TMEFF1: variants seen among roughly 807,000 people sequenced by gnomAD.
TMEFF1 encodes the protein tomoregulin-1.
TMEFF1 carries 20 observed loss-of-function variants against 47.5 expected under a neutral mutation model. The ratio of observed to expected loss-of-function variants is 0.42; its 90% CI spans 0.30 to 0.61. The LOEUF (loss-of-function observed/expected upper bound fraction) is 0.61, where lower values mean the gene tolerates loss of function less well. Among genes scored for constraint, TMEFF1 ranks in the 20% least tolerant of loss-of-function variants. TMEFF1 has a pLI of 0.19. For synonymous variants in TMEFF1, 162 were observed against 166.3 expected (o/e 0.97, Z 0.20); for missense variants, 411 against 471.1 (o/e 0.87, Z 1.18).
chr9:100,576,812 T>A lies in TMEFF1; in HGVS notation c.*212T>A. Reference sequence around the variant, plus strand: ...AAATACAGAAATTGCTTTCACAAATTTGTACCACATGGTAATTCTAAGACT... The same window carrying A: ...AAATACAGAAATTGCTTTCACAAATATGTACCACATGGTAATTCTAAGACT... On this transcript the variant is annotated 3_prime_UTR_variant, in exon 10 of 10. Coordinates refer to ENST00000374879, the MANE Select transcript of TMEFF1 (RefSeq NM_003692.5). 2.1e-6 allele frequency: 1 copy of A among 468,556 alleles called. No individual in the cohort carries two copies. The highest frequency in any genetic ancestry group is 3.6e-6 in the Non-Finnish European group (1 of 278,724). The allele number at this position is 468,556 out of a possible 1,614,324, so 29.0% of individuals were successfully genotyped here. A position where few individuals can be genotyped will look rare whatever the true frequency, so the allele number is the denominator to read the frequency against.
intron 6 of TMEFF1, among the ~76,000 whole-genome samples, chr9:100,548,224 T>C (rs1490934741): frequency 6.6e-6 from 1 of 152,148 alleles, no homozygotes; most frequent in African/African-American, 2.4e-5. Context: ...GATAACTTAT[T>C]TTAATTTCAG....
chr9:100,495,249 T>C (rs939413344), intron 1 of TMEFF1, among the ~76,000 whole-genome samples: 3 of 152,218 alleles, frequency 2.0e-5, no homozygotes, highest in Admixed American at 1.3e-4. Flanking sequence ...TTTTCTTTCC[T>C]GTCTTTTACT....
intron 5 of TMEFF1, among the ~76,000 whole-genome samples, chr9:100,531,899 A>G (rs917112713): frequency 1.3e-5 from 2 of 150,814 alleles, no homozygotes; most frequent in Admixed American, 6.6e-5. Flanking sequence ...AGAGATATAG[A>G]TCAATGGAAC....
At chr9:100,498,567 C>T (rs1473958337) in intron 1 of TMEFF1, among the ~76,000 whole-genome samples, 198 bp from the exon 2 acceptor site, 1 of 152,064 alleles carries the variant, frequency 6.6e-6, no homozygotes, top group Non-Finnish European at 1.5e-5. Flanking sequence ...CATTACTATG[C>T]AGGATTCTGT....
chr9:100,561,578 C>A, intron 8 of TMEFF1, 58 bp downstream of exon 8: 1 of 1,536,744 alleles, frequency 6.5e-7, no homozygotes, highest in South Asian at 1.3e-5. Context: ...GGTTGTTGCT[C>A]TATAGAAGGG....
chr9:100,564,037 A>G (rs1178620783), intron 8 of TMEFF1, among the ~76,000 whole-genome samples: 1 of 152,174 alleles, frequency 6.6e-6, no homozygotes, highest in African/African-American at 2.4e-5. Flanking sequence ...TCCTATTGTT[A>G]GGTTAAAATC....
At chr9:100,490,838 T>TGTGG (rs1837538077) in intron 1 of TMEFF1, among the ~76,000 whole-genome samples, 1 of 104,824 alleles carries the variant, frequency 9.5e-6, no homozygotes, top group Non-Finnish European at 2.2e-5. Context: ...ATATGTATGG[T>TGTGG]GTGTGTGTGT....
At chr9:100,530,655 G>C (rs2118447321) in intron 5 of TMEFF1, among the ~76,000 whole-genome samples, 1 of 152,202 alleles carries the variant, frequency 6.6e-6, no homozygotes, top group East Asian at 1.9e-4. Context: ...TCTACCAGAG[G>C]TACAAGGAGG....
intron 5 of TMEFF1, among the ~76,000 whole-genome samples, chr9:100,545,459 C>A (rs1214381014): frequency 6.6e-6 from 1 of 152,192 alleles, no homozygotes; most frequent in Non-Finnish European, 1.5e-5. Context: ...TGCAGGGCAC[C>A]AAGTCCCTAG....
At chr9:100,558,853 T>C (rs1838963969) in intron 7 of TMEFF1, among the ~76,000 whole-genome samples, 1 of 152,162 alleles carries the variant, frequency 6.6e-6, no homozygotes, top group Non-Finnish European at 1.5e-5. Context: ...CACACTTACA[T>C]ACTTAATACA....
intron 1 of TMEFF1, among the ~76,000 whole-genome samples, chr9:100,483,806 A>T (rs1837390744): frequency 6.6e-6 from 1 of 151,384 alleles, no homozygotes. Context: ...TTTCCCCTGA[A>T]CTTGGCTCTG....
intron 1 of TMEFF1, among the ~76,000 whole-genome samples, chr9:100,474,872 TA>T (rs952758550): frequency 6.6e-6 from 1 of 152,106 alleles, no homozygotes; most frequent in African/African-American, 2.4e-5. Flanking sequence ...GTCCCAGCAG[TA>T]AAGTTCCTCT....
chr9:100,488,081 A>G (rs1215156882), intron 1 of TMEFF1, among the ~76,000 whole-genome samples: 1 of 152,154 alleles, frequency 6.6e-6, no homozygotes, highest in Non-Finnish European at 1.5e-5. Flanking sequence ...ACCAGAGGAC[A>G]TTGTTCTTGT....
chr9:100,499,707 C>T (rs1204143562), intron 2 of TMEFF1, among the ~76,000 whole-genome samples: 3 of 152,152 alleles, frequency 2.0e-5, no homozygotes, highest in African/African-American at 4.8e-5. Context: ...ATTTTCTTGG[C>T]ATCAGTATTC....
chr9:100,555,310 T>C (rs1838897385), intron 7 of TMEFF1, among the ~76,000 whole-genome samples: 1 of 152,232 alleles, frequency 6.6e-6, no homozygotes, highest in East Asian at 1.9e-4. Context: ...CAGTTCTTAC[T>C]GTGTGCAGGT....
intron 5 of TMEFF1, among the ~76,000 whole-genome samples, chr9:100,542,895 C>T (rs1406610703): frequency 7.0e-6 from 1 of 141,950 alleles, no homozygotes. Context: ...TTTGTTAGAT[C>T]TTCTGACTCT....
chr9:100,550,031 G>A lies in TMEFF1; in HGVS notation c.710-64G>A, dbSNP rs369947364. Reference sequence around the variant, plus strand: ...AACTTGGAATAATTTGGAATTATTGGGAGTATCATGATATGACTTAACCAT... The same window carrying A: ...AACTTGGAATAATTTGGAATTATTGAGAGTATCATGATATGACTTAACCAT... On this transcript the variant is annotated intron_variant, in intron 6 of 9. Coordinates refer to ENST00000374879, the MANE Select transcript of TMEFF1 (RefSeq NM_003692.5). 6.1e-5 allele frequency: 94 copies of A among 1,543,896 alleles called. No individual in the cohort carries two copies. The African/African-American group carries it at 1.1e-3, about 18-fold the overall frequency.
intron 5 of TMEFF1, among the ~76,000 whole-genome samples, chr9:100,534,465 T>C (rs1035325957): frequency 1.3e-5 from 2 of 152,192 alleles, no homozygotes; most frequent in African/African-American, 4.8e-5. Context: ...TGATTTCTAT[T>C]CATTTGAGTG....
At chr9:100,547,292 A>C (rs1838752918) in intron 5 of TMEFF1, among the ~76,000 whole-genome samples, 1 of 152,170 alleles carries the variant, frequency 6.6e-6, no homozygotes, top group African/African-American at 2.4e-5. Context: ...TTGGGATTAC[A>C]GTCATGAGCC....
Sources: gnomAD v4.1 joint callset for allele counts (sites outside exome capture counted in the v4.1 genomes callset) on GRCh38, gnomAD v4.1.1 for gene constraint, MANE v1.5 for transcripts, NCBI Gene and HGNC (gene_info 2026-07-23, HGNC 2026-07-21) for gene names.